The following ZNF431 variants were observed in gnomAD, a reference collection of about 807,000 sequenced individuals.
The protein encoded by ZNF431 is zinc finger protein 431.
Under a neutral mutation model 57.0 loss-of-function variants are expected in ZNF431, and 34 were observed. The observed-to-expected ratio is 0.60, with a 90% CI of 0.45 to 0.79. The LOEUF (loss-of-function observed/expected upper bound fraction) is 0.79, where lower values mean the gene tolerates loss of function less well. Among genes scored for constraint, ZNF431 ranks in the 30% least tolerant of loss-of-function variants. The pLI, the probability that ZNF431 is intolerant of heterozygous loss-of-function variation, is 0.00. For synonymous variants in ZNF431, 207 were observed against 220.3 expected, an observed-to-expected ratio of 0.94 and a Z score of 0.54; for missense variants, 607 against 667.1, an observed-to-expected ratio of 0.91 and a Z score of 0.99.
chr19:21,183,930 G>A lies in ZNF431; in HGVS notation c.1627G>A (p.Glu543Lys). Residue 543 changes from glutamate (E) to lysine (K), a missense_variant, in exon 5 of 5, where the codon GAA becomes AAA. Physicochemically the swap from Glu to Lys is moderately conservative, Grantham distance 56 (BLOSUM62 1). Coordinates refer to ENST00000311048, the MANE Select transcript of ZNF431 (RefSeq NM_133473.4). ...IHTRQKPYNC[E>K]ECDNTFNQSS... ...TACTAGACAGAAACCCTACAACTGT[G>A]AAGAATGTGACAATACATTTAACCA... 1 of 1,613,138 alleles carries A rather than the reference G, an allele frequency of 6.2e-7. No individual in the cohort carries two copies.
At chr19:21,163,232 C>T (rs1370354486) in intron 2 of ZNF431, among the ~76,000 whole-genome samples, 1 of 151,926 alleles carries the variant, frequency 6.6e-6, no homozygotes, top group Non-Finnish European at 1.5e-5. Context: ...CAGAATTATT[C>T]TGAAATTGCT....
At position 21,184,041 on chromosome 19, in the gene ZNF431, C is replaced by T. The variant is rs772595166; in HGVS notation, c.*7C>T. ...AATGTGGGAAAGCCTTTAAGCAGTC[C>T]TCAACTCTTACTAAGCATTAAATAT... On this transcript the variant is annotated 3_prime_UTR_variant, in exon 5 of 5. Coordinates refer to ENST00000311048, the MANE Select transcript of ZNF431 (RefSeq NM_133473.4). 1.3e-5 allele frequency: 20 copies of T among 1,544,642 alleles called. No individual in the cohort carries two copies. Among genetic ancestry groups the T allele is most frequent in the Non-Finnish European group, 1.6e-5 (19 of 1,152,376 alleles).
In ZNF431 at chr19:21,187,001, A is replaced by G. The variant is rs1052047024; in HGVS notation, c.*2967A>G. 3 of 152,174 alleles carry G rather than the reference A, an allele frequency of 2.0e-5. No individual in the cohort carries two copies. Among genetic ancestry groups the G allele is most frequent in the African/African-American group, 4.8e-5 (2 of 41,458 alleles). 9.4% of individuals were successfully genotyped at this position (152,174 alleles called of 1,614,324 possible). Reference sequence around the variant, plus strand: ...ATTAGTCATGAGGATGTTTTTATATATAAATGTAGCAAACATATATTACAG... The same window carrying G: ...ATTAGTCATGAGGATGTTTTTATATGTAAATGTAGCAAACATATATTACAG... On this transcript the variant is annotated 3_prime_UTR_variant, in exon 5 of 5. Coordinates refer to ENST00000311048, the MANE Select transcript of ZNF431 (RefSeq NM_133473.4).
At chr19:21,144,280 C>T (rs1970023668) in intron 2 of ZNF431, among the ~76,000 whole-genome samples, 1 of 151,778 alleles carries the variant, frequency 6.6e-6, no homozygotes, top group Non-Finnish European at 1.5e-5. Context: ...CTCACTACAA[C>T]CTCTGTCTCC....
In ZNF431 at chr19:21,187,329, G is replaced by A. The variant is rs1971397920; in HGVS notation, c.*3295G>A. 1 of 151,624 alleles carries A rather than the reference G, an allele frequency of 6.6e-6. No individual in the cohort carries two copies. Among genetic ancestry groups the A allele is most frequent in the African/African-American group, 2.4e-5 (1 of 41,206 alleles). The allele number at this position is 151,624 out of a possible 1,614,324, so 9.4% of individuals were successfully genotyped here. A position where few individuals can be genotyped will look rare whatever the true frequency, so the allele number is the denominator to read the frequency against. On this transcript the variant is annotated 3_prime_UTR_variant, in exon 5 of 5. Coordinates refer to ENST00000311048, the MANE Select transcript of ZNF431 (RefSeq NM_133473.4). ...GTGGTGGGTGCCTGTAATCCCACTC[G>A]GGAGGCTGAGTCAGGAGAATTGCTT... is the stretch of plus-strand genomic sequence containing the variant.
intron 2 of ZNF431, chr19:21,162,672 A>G (rs1191833804): frequency 2.0e-6 from 2 of 979,338 alleles, no homozygotes; most frequent in Non-Finnish European, 2.4e-6. Flanking sequence ...CACAAAGCTG[A>G]TTTAAAAAGA....
At chr19:21,146,066 A>G (rs1463316521) in intron 2 of ZNF431, among the ~76,000 whole-genome samples, 1 of 152,144 alleles carries the variant, frequency 6.6e-6, no homozygotes, top group Non-Finnish European at 1.5e-5. Flanking sequence ...AAATAAGAAA[A>G]TGTGCAGAGT....
At position 21,182,834 on chromosome 19, in the gene ZNF431, A is replaced by G. The variant is rs751459751; in HGVS notation, c.531A>G (p.Pro177=). Residue 177 remains proline (P), a synonymous_variant, in exon 5 of 5, where the codon CCA becomes CCG. Coordinates refer to ENST00000311048, the MANE Select transcript of ZNF431 (RefSeq NM_133473.4). ...CLTTTQSKIF[P]CDKYVKVFHK... ...CAACTACCCAGAGCAAAATATTTCCATGTGATAAATATGTGAAAGTCTTTC... is the reference window on the plus strand; with the variant it reads ...CAACTACCCAGAGCAAAATATTTCCGTGTGATAAATATGTGAAAGTCTTTC... 13 of 1,613,904 alleles carry G rather than the reference A, an allele frequency of 8.1e-6. No individual in the cohort carries two copies. The highest frequency in any genetic ancestry group is 4.0e-5 in the African/African-American group (3 of 74,948).
chr19:21,152,654 CT>C (rs1176099466), intron 2 of ZNF431, among the ~76,000 whole-genome samples: 1 of 152,142 alleles, frequency 6.6e-6, no homozygotes, highest in Admixed American at 6.5e-5. Flanking sequence ...GCATCCTTGT[CT>C]TTTATTAAGA....
intron 4 of ZNF431, among the ~76,000 whole-genome samples, chr19:21,178,351 A>G (rs192944322): frequency 6.6e-6 from 1 of 152,018 alleles, no homozygotes; most frequent in Non-Finnish European, 1.5e-5. Flanking sequence ...ATACTATGTT[A>G]AATAGGAGTG....
intron 2 of ZNF431, among the ~76,000 whole-genome samples, chr19:21,146,978 TG>T (rs1158085236): frequency 6.6e-6 from 1 of 152,224 alleles, no homozygotes; most frequent in Admixed American, 6.5e-5. Flanking sequence ...ATGATATTTT[TG>T]CCTAACTATT....
chr19:21,183,907 C>G lies in ZNF431; in HGVS notation c.1604C>G (p.Thr535Ser), dbSNP rs766944171. ...CTTACTAAACATAGGAAAATTCATA[C>G]TAGACAGAAACCCTACAACTGTGAA... ...STLTKHRKIHTRQKPYNCEEC... is the reference protein window; with the variant it reads ...STLTKHRKIHSRQKPYNCEEC... The change falls in exon 5 of 5, where the codon ACT becomes AGT. Residue 535 changes from threonine to serine, a missense_variant. Coordinates refer to ENST00000311048, the MANE Select transcript of ZNF431 (RefSeq NM_133473.4). 6.2e-7 allele frequency: 1 copy of G among 1,613,924 alleles called. No homozygotes were observed. The highest frequency in any genetic ancestry group is 8.5e-7 in the Non-Finnish European group (1 of 1,179,836).
chr19:21,168,850 A>G (rs1051223067), intron 4 of ZNF431, among the ~76,000 whole-genome samples: 1 of 152,054 alleles, frequency 6.6e-6, no homozygotes, highest in African/African-American at 2.4e-5. Flanking sequence ...TGGAACCATA[A>G]CTTTATGTTA....
chr19:21,164,603 T>C (rs1970666505), intron 2 of ZNF431, among the ~76,000 whole-genome samples: 1 of 152,054 alleles, frequency 6.6e-6, no homozygotes, highest in Non-Finnish European at 1.5e-5. Flanking sequence ...CCAGAGAATT[T>C]TATCTGAAAA....
At position 21,183,661 on chromosome 19, in the gene ZNF431, A is replaced by G. The variant is rs938107905; in HGVS notation, c.1358A>G (p.Glu453Gly). 6.2e-7 allele frequency: 1 copy of G among 1,613,576 alleles called. No individual in the cohort carries two copies. The highest frequency in any genetic ancestry group is 8.5e-7 in the Non-Finnish European group (1 of 1,179,962). ...GCACATAAGATAATTCATACTGGAG[A>G]GAAACCTTACAAATGTGAAGAATGT... The part of the protein sequence containing the change: ...LTAHKIIHTG[E>G]KPYKCEECGK... The change falls in exon 5 of 5, where the codon GAG becomes GGG. Residue 453 changes from glutamate to glycine, a missense_variant. Transcript: ENST00000311048.
At position 21,143,589 on chromosome 19, in the gene ZNF431, A is replaced by C. The variant is rs1486973600; in HGVS notation, c.42A>C (p.Ala14=). Residue 14 remains alanine, a synonymous_variant, in exon 2 of 5, where the codon GCA becomes GCC. Coordinates refer to ENST00000311048, the MANE Select transcript of ZNF431 (RefSeq NM_133473.4). ...LKYGVYPLKE[A]SGCPGAERNL... is the part of the protein sequence containing the mutation. The stretch of plus-strand genomic sequence containing the variant: ...ATGGAGTGTATCCTCTCAAGGAAGC[A>C]AGTGGATGCCCTGGGGCTGAGAGGA... 3 of 1,614,020 alleles carry C rather than the reference A, an allele frequency of 1.9e-6. No individual in the cohort carries two copies. The highest frequency in any genetic ancestry group is 2.5e-6 in the Non-Finnish European group (3 of 1,179,888).
At chr19:21,162,177 T>A (rs1970588962) in intron 2 of ZNF431, among the ~76,000 whole-genome samples, 1 of 151,156 alleles carries the variant, frequency 6.6e-6, no homozygotes, top group Non-Finnish European at 1.5e-5. Flanking sequence ...TGTGTGTGTG[T>A]GTGTGTGTTT....
chr19:21,175,876 C>A (rs552201264), intron 4 of ZNF431, among the ~76,000 whole-genome samples: 1 of 152,284 alleles, frequency 6.6e-6, no homozygotes, highest in East Asian at 1.9e-4. Context: ...AATGTTGCTG[C>A]AATGAAGATA....
chr19:21,166,520 T>C, intron 3 of ZNF431, 59 bp downstream of exon 3: 1 of 1,527,422 alleles, frequency 6.5e-7, no homozygotes. Context: ...TGTCTCTTTT[T>C]TTGTAGAATT....
Sources: gnomAD v4.1 joint callset for allele counts (sites outside exome capture counted in the v4.1 genomes callset) on GRCh38, gnomAD v4.1.1 for gene constraint, MANE v1.5 for transcripts, NCBI Gene and HGNC (gene_info 2026-07-23, HGNC 2026-07-21) for gene names.